The following RYR2 variants were observed in gnomAD, a reference collection of about 807,000 sequenced individuals.
RYR2 encodes the protein cardiac muscle ryanodine receptor-calcium release channel.
Under a neutral mutation model 601.1 loss-of-function variants are expected in RYR2, and 227 were observed. The observed-to-expected ratio is 0.38, with a 90% CI of 0.34 to 0.42. RYR2 has a LOEUF of 0.42. Ranked by LOEUF, RYR2 falls within the 10% of genes least tolerant of loss-of-function variation. RYR2 has a pLI of 1.00. For missense variants in RYR2, 4,646 were observed against 6,156.5 expected (o/e 0.75, Z 8.21); for synonymous variants, 2,223 against 2,175.1 (o/e 1.02, Z -0.61).
chr1:237,277,432 G>C (rs890525379), intron 2 of RYR2, among the ~76,000 whole-genome samples: 6 of 152,110 alleles, frequency 3.9e-5, no homozygotes, highest in African/African-American at 1.4e-4. Context: ...GACATGGAGA[G>C]GTAAAACTAT....
intron 67 of RYR2, among the ~76,000 whole-genome samples, chr1:237,706,556 G>A (rs992959853): frequency 6.6e-6 from 1 of 152,152 alleles, no homozygotes; most frequent in Non-Finnish European, 1.5e-5. Context: ...GAAAATACAG[G>A]TCTGAGCAAG....
At chr1:237,641,477 C>CTTTCTTTCTTTCTTTCTTTCTT (rs768594134) in intron 47 of RYR2, among the ~76,000 whole-genome samples, 1,722 of 27,518 alleles carry the variant, frequency 0.063, 36 homozygotes, top group Non-Finnish European at 0.13. Context: ...GTCTGTCTTT[C>CTTTCTTTCTTTCTTTCTTTCTT]TTTCTTTCTT....
chr1:237,670,816 G>C (rs968004681), intron 58 of RYR2, among the ~76,000 whole-genome samples: 2 of 152,080 alleles, frequency 1.3e-5, no homozygotes, highest in Non-Finnish European at 2.9e-5. Flanking sequence ...AAATCCAAAA[G>C]CTTAAATGCT....
At chr1:237,377,259 G>A (rs1300393979) in intron 7 of RYR2, 64 bp from the exon 8 acceptor site, 5 of 1,207,624 alleles carry the variant, frequency 4.1e-6, no homozygotes, top group Admixed American at 4.7e-5. Flanking sequence ...GGAATCATTG[G>A]CAAAGAAAAT....
intron 1 of RYR2, among the ~76,000 whole-genome samples, chr1:237,205,028 C>T (rs1297974863): frequency 6.6e-6 from 1 of 152,188 alleles, no homozygotes; most frequent in Non-Finnish European, 1.5e-5. Flanking sequence ...CATGGTCCTG[C>T]TTTGACCGGC....
intron 24 of RYR2, among the ~76,000 whole-genome samples, chr1:237,516,594 C>T (rs575905517): frequency 4.6e-5 from 7 of 152,318 alleles, no homozygotes; most frequent in East Asian, 1.9e-4. Flanking sequence ...CTCTGAGTGA[C>T]GGAATTGTTT....
At chr1:237,350,181 T>C (rs1377415347) in intron 3 of RYR2, among the ~76,000 whole-genome samples, 2 of 152,160 alleles carry the variant, frequency 1.3e-5, no homozygotes, top group Non-Finnish European at 2.9e-5. Context: ...ACCAGAGATA[T>C]ACTTTAAGAC....
At chr1:237,390,810 A>G (rs1296567547) in intron 10 of RYR2, among the ~76,000 whole-genome samples, 2 of 152,036 alleles carry the variant, frequency 1.3e-5, no homozygotes, top group East Asian at 1.9e-4. Flanking sequence ...CATGTTGATA[A>G]TTTCAGTTCA....
intron 1 of RYR2, among the ~76,000 whole-genome samples, chr1:237,178,557 G>A (rs1678340290): frequency 3.3e-5 from 5 of 151,484 alleles, no homozygotes. Context: ...AGTTGCGGTG[G>A]CTCACACCTC....
chr1:237,646,882 GATGGTGC>G (rs1191403605), intron 48 of RYR2, among the ~76,000 whole-genome samples: 1 of 152,172 alleles, frequency 6.6e-6, no homozygotes, highest in African/African-American at 2.4e-5. Context: ...TGTTTGAGGA[GATGGTGC>G]AAATAAAACA....
intron 1 of RYR2, among the ~76,000 whole-genome samples, chr1:237,098,804 A>G (rs1667757803): frequency 6.6e-6 from 1 of 152,236 alleles, no homozygotes; most frequent in Admixed American, 6.5e-5. Flanking sequence ...TCACAAGGAT[A>G]CAAAGTTTCA....
At chr1:237,347,689 T>C (rs1232577653) in intron 3 of RYR2, among the ~76,000 whole-genome samples, 1 of 152,112 alleles carries the variant, frequency 6.6e-6, no homozygotes, top group Non-Finnish European at 1.5e-5. Flanking sequence ...GTTCCATTTC[T>C]ACCTGGAAAT....
chr1:237,443,811 G>A (rs1284107668), intron 13 of RYR2, among the ~76,000 whole-genome samples: 3 of 152,086 alleles, frequency 2.0e-5, no homozygotes, highest in Admixed American at 6.6e-5. Flanking sequence ...GTGATGTGCT[G>A]TAGTTTGCCA....
intron 2 of RYR2, among the ~76,000 whole-genome samples, chr1:237,320,490 C>T (rs796335416): frequency 1.3e-4 from 20 of 152,236 alleles, no homozygotes; most frequent in Non-Finnish European, 1.8e-4. Context: ...ATAGGTTTAT[C>T]ATCTGTAAAG....
intron 1 of RYR2, among the ~76,000 whole-genome samples, chr1:237,263,034 T>C (rs1487305954): frequency 6.6e-6 from 1 of 152,218 alleles, no homozygotes; most frequent in African/African-American, 2.4e-5. Flanking sequence ...AAGAAGGGAC[T>C]GCATTGCTTT....
At chr1:237,516,878 C>T (rs1666603366) in intron 24 of RYR2, among the ~76,000 whole-genome samples, 1 of 152,196 alleles carries the variant, frequency 6.6e-6, no homozygotes, top group Non-Finnish European at 1.5e-5. Context: ...AAGCCACCAT[C>T]ATCTGTCACC....
intron 1 of RYR2, among the ~76,000 whole-genome samples, chr1:237,055,527 G>C (rs1661887103): frequency 6.6e-6 from 1 of 152,102 alleles, no homozygotes; most frequent in Admixed American, 6.5e-5. Context: ...GGGAGCTTTA[G>C]GACACAGTGG....
intron 1 of RYR2, among the ~76,000 whole-genome samples, chr1:237,200,544 C>T (rs988149958): frequency 3.9e-5 from 6 of 152,134 alleles, no homozygotes; most frequent in Admixed American, 1.3e-4. Context: ...GGATTATAGG[C>T]GTGAGCCACT....
chr1:237,397,808 G>A (rs917644561), intron 10 of RYR2, among the ~76,000 whole-genome samples: 90 of 150,352 alleles, frequency 6.0e-4, no homozygotes, highest in Admixed American at 1.5e-3. Flanking sequence ...TGTAAGCTCC[G>A]CCTCCCAGGT....
Sources: gnomAD v4.1 joint callset for allele counts (sites outside exome capture counted in the v4.1 genomes callset) on GRCh38, gnomAD v4.1.1 for gene constraint, MANE v1.5 for transcripts, NCBI Gene and HGNC (gene_info 2026-07-23, HGNC 2026-07-21) for gene names.